Variants in TRIM14 observed in about 807,000 individuals in gnomAD.
TRIM14 encodes tripartite motif-containing protein 14.
Under a neutral mutation model 44.5 loss-of-function variants are expected in TRIM14, and 28 were observed. The observed-to-expected ratio is 0.63, with a 90% confidence interval of 0.47 to 0.86. The LOEUF is 0.86. Ranked by LOEUF, TRIM14 falls within the 40% of genes least tolerant of loss-of-function variation. The pLI is 0.00. For synonymous variants in TRIM14, 299 were observed against 269.2 expected (o/e 1.11, Z -1.08); for missense variants, 607 against 611.1 (o/e 0.99, Z 0.07).
At position 98,087,613 on chromosome 9, in the gene TRIM14, C is replaced by A. The variant is rs963150604; in HGVS notation, c.1186G>T (p.Asp396Tyr). The A allele has an allele frequency of 3.7e-6, 6 of 1,601,778 alleles. No individual in the cohort carries two copies. Among genetic ancestry groups the A allele is most frequent in the Non-Finnish European group, 5.1e-6 (6 of 1,177,556 alleles). Residue 396 changes from aspartate to tyrosine, a missense_variant, in exon 6 of 6, where the codon GAC becomes TAC. By Grantham distance (160) the Asp-to-Tyr change is radical. Transcript: ENST00000341469. ...AAGGCGAGGACGCCGGCCTCGTAGT[C>A]CAGGAAGACGCCGAGCCGGTCGAGG... The part of the protein sequence containing the change: ...DDLDRLGVFL[D>Y]YEAGVLAFYD...
At chr9:98,062,862 C>T in the TRIM14 span, among the ~76,000 whole-genome samples, 1 of 147,988 alleles carries the variant, frequency 6.8e-6, no homozygotes, top group African/African-American at 2.5e-5. Context: ...TTTCTTACAG[C>T]TGCATGTGAA....
At chr9:98,062,512 G>A in the TRIM14 span, among the ~76,000 whole-genome samples, 1 of 152,050 alleles carries the variant, frequency 6.6e-6, no homozygotes, top group Admixed American at 6.6e-5. Flanking sequence ...AATGAGAAAA[G>A]GGAAAAAACT....
chr9:98,050,773 G>A, the TRIM14 span, among the ~76,000 whole-genome samples: 1 of 151,934 alleles, frequency 6.6e-6, no homozygotes, highest in Non-Finnish European at 1.5e-5. Context: ...GTGTCCTCAT[G>A]GTTGCACATT....
intron 1 of TRIM14, among the ~76,000 whole-genome samples, chr9:98,112,463 T>A (rs904158406): frequency 6.6e-6 from 1 of 152,154 alleles, no homozygotes; most frequent in African/African-American, 2.4e-5. Flanking sequence ...TGTGGAAGAT[T>A]AATCTCACAA....
chr9:98,096,097 G>A (rs1398464878), intron 3 of TRIM14, among the ~76,000 whole-genome samples: 1 of 152,216 alleles, frequency 6.6e-6, no homozygotes, highest in Non-Finnish European at 1.5e-5. Flanking sequence ...GGCTGGCAGT[G>A]GCAGTGCTGC....
In TRIM14 at chr9:98,087,340, G is replaced by T; in HGVS notation, c.*130C>A. ...CAAAGCACTGTAGGCGTGATTGGTC[G>T]GGGAAAGCTGGGGCAGGGAGAGGGC... On this transcript the variant is annotated 3_prime_UTR_variant, in exon 6 of 6. Transcript: ENST00000341469. The T allele has an allele frequency of 5.8e-6, 8 of 1,387,938 alleles. No homozygotes were observed. Among genetic ancestry groups the T allele is most frequent in the Non-Finnish European group, 8.2e-6 (8 of 974,564 alleles). The allele number at this position is 1,387,938 out of a possible 1,614,324, so 86.0% of individuals were successfully genotyped here.
the TRIM14 span, among the ~76,000 whole-genome samples, chr9:98,060,411 G>A: frequency 6.6e-6 from 1 of 152,154 alleles, no homozygotes; most frequent in Non-Finnish European, 1.5e-5. Context: ...ACTCATGCCT[G>A]TAATCCCAGC....
At chr9:98,057,418 C>A in the TRIM14 span, among the ~76,000 whole-genome samples, 2 of 152,158 alleles carry the variant, frequency 1.3e-5, no homozygotes, top group African/African-American at 4.8e-5. Context: ...ACCCGCCATT[C>A]CCTGTATATG....
intron 1 of TRIM14, among the ~76,000 whole-genome samples, chr9:98,112,711 T>A (rs1246937187): frequency 6.9e-6 from 1 of 144,782 alleles, no homozygotes; most frequent in African/African-American, 2.6e-5. Flanking sequence ...AGGCAGGAGA[T>A]CACTTGAATC....
Position 98,087,848 on chromosome 9 carries a change from G to T in TRIM14, c.951C>A (p.Phe317Leu). ...CCTCCCAGTAGTGGCGGCCGGTGGC[G>T]AAGCAGTCACGAGCCAGCACTTGCC... ...ALWQVLARDC[F>L]ATGRHYWEVD... Residue 317 changes from phenylalanine to leucine, a missense_variant, in exon 6 of 6, where the codon TTC becomes TTA. Transcript: ENST00000341469. 1 of 1,551,012 alleles carries T rather than the reference G, an allele frequency of 6.4e-7. No individual in the cohort carries two copies. The highest frequency in any genetic ancestry group is 8.6e-7 in the Non-Finnish European group (1 of 1,160,180).
At chr9:98,071,831 T>G (rs1381566098) in intron 6 of TRIM14, among the ~76,000 whole-genome samples, 1 of 152,186 alleles carries the variant, frequency 6.6e-6, no homozygotes, top group African/African-American at 2.4e-5. Flanking sequence ...TCCGTCCACG[T>G]TTCCTGGAAA....
chr9:98,105,915 G>T (rs969290114), intron 2 of TRIM14, among the ~76,000 whole-genome samples: 1 of 152,134 alleles, frequency 6.6e-6, no homozygotes, highest in African/African-American at 2.4e-5. Context: ...ATTCATCCAG[G>T]GTCACAGGTG....
chr9:98,108,478 C>T (rs928068350), intron 2 of TRIM14, among the ~76,000 whole-genome samples: 1 of 151,994 alleles, frequency 6.6e-6, no homozygotes, highest in African/African-American at 2.4e-5. Context: ...TCCAGTGTGG[C>T]CTGGGGAAGA....
At chr9:98,112,327 G>C (rs899199022) in intron 1 of TRIM14, among the ~76,000 whole-genome samples, 1 of 152,150 alleles carries the variant, frequency 6.6e-6, no homozygotes, top group Non-Finnish European at 1.5e-5. Flanking sequence ...TTTTGCATGA[G>C]AGAGAACTTT....
At chr9:98,040,758 A>G in the TRIM14 span, among the ~76,000 whole-genome samples, 1 of 151,844 alleles carries the variant, frequency 6.6e-6, no homozygotes, top group Non-Finnish European at 1.5e-5. Flanking sequence ...CCCAGGTTCA[A>G]GCAGTTCTCT....
chr9:98,081,792 G>A (rs1361711837), downstream of TRIM14: 1 of 152,180 alleles, frequency 6.6e-6, no homozygotes, highest in African/African-American at 2.4e-5. Flanking sequence ...GCATGCCTGG[G>A]ACTGTTGTCA....
At chr9:98,059,029 A>AT in the TRIM14 span, among the ~76,000 whole-genome samples, 9,135 of 148,188 alleles carry the variant, frequency 0.062, 392 homozygotes, top group Admixed American at 0.12. Flanking sequence ...AGAAGTTTTT[A>AT]TTTTTTTTTT....
intron 4 of TRIM14, 107 bp from the exon 5 acceptor site, chr9:98,092,108 G>T (rs558518057): frequency 2.5e-6 from 2 of 796,256 alleles, no homozygotes; most frequent in Non-Finnish European, 3.9e-6. Context: ...TCGCCCAAGA[G>T]CCAGGCAGAT....
At chr9:98,078,277 A>G (rs750637748) in intron 6 of TRIM14, 1 of 1,613,378 alleles carries the variant, frequency 6.2e-7, no homozygotes, top group Admixed American at 1.7e-5. Flanking sequence ...CTCAACCCCA[A>G]CTTCTGCTTC....
Sources: allele counts gnomAD v4.1 joint callset (sites outside exome capture counted in the v4.1 genomes callset), GRCh38; gene constraint gnomAD v4.1.1; transcripts MANE v1.5; gene names NCBI Gene and HGNC (gene_info 2026-07-23, HGNC 2026-07-21).